The following MGAT4C variants were observed in gnomAD, a reference collection of about 807,000 sequenced individuals.
MGAT4C encodes alpha-1,3-mannosyl-glycoprotein 4-beta-N-acetylglucosaminyltransferase C.
Under a neutral mutation model 40.1 loss-of-function variants are expected in MGAT4C, and 19 were observed. The ratio of observed to expected loss-of-function variants is 0.47; its 90% CI spans 0.33 to 0.70. The LOEUF (loss-of-function observed/expected upper bound fraction) is 0.70. Among genes scored for constraint, MGAT4C ranks in the 30% least tolerant of loss-of-function variants. MGAT4C has a pLI of 0.02. For missense variants in MGAT4C, 491 were observed against 563.2 expected, an observed-to-expected ratio of 0.87 and a Z score of 1.30; for synonymous variants, 181 against 187.1, an observed-to-expected ratio of 0.97 and a Z score of 0.27.
chr12:86,100,387 C>T (rs900172358), intron 1 of MGAT4C, among the ~76,000 whole-genome samples: 1 of 151,262 alleles, frequency 6.6e-6, no homozygotes, highest in Non-Finnish European at 1.5e-5. Flanking sequence ...CTTAAAGTTA[C>T]CATTAAATTA....
At chr12:86,744,187 C>T (rs1472926757) in intron 1 of MGAT4C, among the ~76,000 whole-genome samples, 2 of 151,410 alleles carry the variant, frequency 1.3e-5, no homozygotes, top group Non-Finnish European at 3.0e-5. Flanking sequence ...TCAGCAAGGG[C>T]TAATTTATGG....
chr12:86,274,952 T>C lies in MGAT4C; in HGVS notation c.-57+59113A>G, dbSNP rs541232693. 3.9e-5 allele frequency among the ~76,000 whole-genome samples: 6 copies of C among 152,266 alleles called. No individual in the cohort carries two copies. The East Asian group carries it at 9.7e-4, about 25-fold the overall frequency. On this transcript the variant is annotated intron_variant, in intron 4 of 7. Coordinates refer to the MGAT4C transcript ENST00000548651. The stretch of plus-strand genomic sequence containing the variant: ...GCTTCATGTCATCAGACTGCAAAGA[T>C]TGGCTGAAGGGTAGTCGAACATACG...
intron 1 of MGAT4C, among the ~76,000 whole-genome samples, chr12:86,748,979 T>TA (rs1431837898): frequency 1.3e-5 from 2 of 151,256 alleles, no homozygotes; most frequent in Non-Finnish European, 3.0e-5. Context: ...CAAGCTTATT[T>TA]AAAAAGTAGC....
At chr12:86,085,736 AACAG>A (rs1178686922) in intron 1 of MGAT4C, among the ~76,000 whole-genome samples, 1 of 152,198 alleles carries the variant, frequency 6.6e-6, no homozygotes, top group Non-Finnish European at 1.5e-5. Context: ...AAAGAATATG[AACAG>A]ACACTTTTCA....
At chr12:86,148,315 CACTTGT>C (rs1883825334) in intron 1 of MGAT4C, among the ~76,000 whole-genome samples, 1 of 152,186 alleles carries the variant, frequency 6.6e-6, no homozygotes, top group African/African-American at 2.4e-5. Context: ...AACAAGCCTG[CACTTGT>C]ACCCCTGAAC....
At position 86,053,168 on chromosome 12, in the gene MGAT4C, C is replaced by CT. The variant is rs34127747; in HGVS notation, c.-56-3446dup. Among the ~76,000 whole-genome samples, 1,193 of 145,932 alleles carry CT rather than the reference C, an allele frequency of 8.2e-3. 9 individuals are homozygous for CT. Among genetic ancestry groups the CT allele is most frequent in the Non-Finnish European group, 0.012 (779 of 65,814 alleles). On this transcript the variant is annotated intron_variant, in intron 1 of 4. Transcript: ENST00000611864. ...TAAATGAGGTGATTAGCCACGGTGACTTTTTTTTTTTAACATAAATATATA... is the reference window on the plus strand; with the variant it reads ...TAAATGAGGTGATTAGCCACGGTGACTTTTTTTTTTTTAACATAAATATATA...
intron 1 of MGAT4C, among the ~76,000 whole-genome samples, chr12:86,089,279 G>C (rs191326529): frequency 2.0e-5 from 3 of 151,930 alleles, no homozygotes; most frequent in African/African-American, 7.2e-5. Flanking sequence ...ATTTTGAAAA[G>C]TGTTTCTTAT....
chr12:86,234,975 C>A (rs1493408), intron 1 of MGAT4C, among the ~76,000 whole-genome samples: 1 of 152,052 alleles, frequency 6.6e-6, no homozygotes, highest in East Asian at 1.9e-4. Context: ...TACTTGGGCT[C>A]TCTTGCTTCA....
chr12:86,354,252 G>A (rs1955252894), intron 3 of MGAT4C, among the ~76,000 whole-genome samples: 1 of 151,982 alleles, frequency 6.6e-6, no homozygotes, highest in Admixed American at 6.6e-5. Flanking sequence ...AAACAAGTAA[G>A]TGCAACAAAA....
chr12:86,044,662 C>A (rs1244003484), intron 2 of MGAT4C, among the ~76,000 whole-genome samples: 2 of 152,072 alleles, frequency 1.3e-5, no homozygotes, highest in Non-Finnish European at 2.9e-5. Context: ...TCTGCTGGAG[C>A]TCTCTGATGG....
intron 2 of MGAT4C, among the ~76,000 whole-genome samples, chr12:86,495,710 G>C (rs2136328227): frequency 6.6e-6 from 1 of 152,124 alleles, no homozygotes; most frequent in Non-Finnish European, 1.5e-5. Context: ...GATGCTTACA[G>C]TTGTTTGAAT....
intron 1 of MGAT4C, among the ~76,000 whole-genome samples, chr12:86,817,966 C>G (rs2136223801): frequency 6.6e-6 from 1 of 151,396 alleles, no homozygotes; most frequent in Non-Finnish European, 1.5e-5. Context: ...ACAAACAAGA[C>G]AATACATAAA....
intron 4 of MGAT4C, among the ~76,000 whole-genome samples, chr12:86,332,212 G>A (rs1015126198): frequency 4.6e-5 from 7 of 151,842 alleles, no homozygotes; most frequent in African/African-American, 9.7e-5. Flanking sequence ...CTTTTGTCAC[G>A]GCATGCTAAA....
At position 86,152,957 on chromosome 12, in the gene MGAT4C, C is replaced by T. The variant is rs145151458; in HGVS notation, c.-56-103234G>A. Among the ~76,000 whole-genome samples, 327 of 152,262 alleles carry T rather than the reference C, an allele frequency of 2.1e-3. 2 individuals are homozygous for T. Among genetic ancestry groups the T allele is most frequent in the African/African-American group, 7.4e-3 (306 of 41,556 alleles). On this transcript the variant is annotated intron_variant, in intron 1 of 4. Coordinates refer to ENST00000611864, the MANE Select transcript of MGAT4C (RefSeq NM_001351288.2). Reference sequence around the variant, plus strand: ...TCTGTGCTTTAATAATGCTTCCAATCCAGTTCAGATCACTTTTCAGTCCTA... The same window carrying T: ...TCTGTGCTTTAATAATGCTTCCAATTCAGTTCAGATCACTTTTCAGTCCTA...
chr12:86,371,370 T>C (rs895365580), intron 3 of MGAT4C, among the ~76,000 whole-genome samples: 2 of 152,052 alleles, frequency 1.3e-5, no homozygotes, highest in Non-Finnish European at 2.9e-5. Context: ...CAATCTTCCA[T>C]ACTGCTGCTA....
rs937067740 is a variant in MGAT4C, at chr12:86,720,074, G to A, written c.-229+7135C>T. Among the ~76,000 whole-genome samples the A allele has an allele frequency of 2.0e-5, 3 of 152,150 alleles. 1 individual carries two copies. Among genetic ancestry groups the A allele is most frequent in the African/African-American group, 7.2e-5 (3 of 41,440 alleles). ...TTAAAAATATTTTGCAAATGAGAGA[G>A]CCTTGGACTGAGAAATATTGTGGTG... is the stretch of plus-strand genomic sequence containing the variant. On this transcript the variant is annotated intron_variant, in intron 2 of 7. Transcript: ENST00000548651.
At chr12:86,481,067 T>C (rs543786965) in intron 2 of MGAT4C, among the ~76,000 whole-genome samples, 110 of 152,100 alleles carry the variant, frequency 7.2e-4, no homozygotes, top group African/African-American at 2.6e-3. Context: ...GCAGTGATCA[T>C]AACAAACATC....
chr12:86,759,981 A>G (rs1205755606), intron 1 of MGAT4C, among the ~76,000 whole-genome samples: 1 of 152,178 alleles, frequency 6.6e-6, no homozygotes, highest in Non-Finnish European at 1.5e-5. Flanking sequence ...ATTTTGAGCA[A>G]AAATAACAAA....
chr12:86,370,205 A>T (rs768621267), intron 3 of MGAT4C, among the ~76,000 whole-genome samples: 5 of 152,024 alleles, frequency 3.3e-5, no homozygotes, highest in Non-Finnish European at 5.9e-5. Flanking sequence ...AAAGTGAAGG[A>T]CTCATAATAT....
Sources: allele counts gnomAD v4.1 joint callset (sites outside exome capture counted in the v4.1 genomes callset), GRCh38; gene constraint gnomAD v4.1.1; transcripts MANE v1.5; gene names NCBI Gene and HGNC (gene_info 2026-07-23, HGNC 2026-07-21).